Variants in QSER1 observed in about 807,000 individuals in gnomAD.
QSER1 encodes glutamine and serine rich 1, also known as glutamine and serine-rich protein 1.
QSER1 carries 49 observed loss-of-function variants against 158.5 expected under a neutral mutation model. That is an observed-to-expected ratio of 0.31 (90% CI 0.25 to 0.39). The LOEUF is 0.39. Among genes scored for constraint, QSER1 ranks in the 10% least tolerant of loss-of-function variants. The pLI, the probability that QSER1 is intolerant of heterozygous loss-of-function variation, is 1.00. For missense variants in QSER1, 1,754 were observed against 2,010.3 expected, an observed-to-expected ratio of 0.87 and a Z score of 2.44; for synonymous variants, 650 against 715.5, an observed-to-expected ratio of 0.91 and a Z score of 1.46.
chr11:32,964,561 TTAAAATACATACACCTACTA>T (rs1312026358), intron 8 of QSER1, among the ~76,000 whole-genome samples: 1 of 151,866 alleles, frequency 6.6e-6, no homozygotes, highest in Non-Finnish European at 1.5e-5. Flanking sequence ...CAGCTGCTAT[TTAAAATACATACACCTACTA>T]TAGGCCAGGC....
chr11:32,935,539 T>G, intron 4 of QSER1, 104 bp downstream of exon 4: 1 of 844,634 alleles, frequency 1.2e-6, no homozygotes, highest in Admixed American at 2.8e-5. Context: ...TGCAAGTACA[T>G]TTTCAGGACA....
intron 4 of QSER1, among the ~76,000 whole-genome samples, chr11:32,947,030 G>T (rs988740938): frequency 1.3e-5 from 2 of 152,360 alleles, no homozygotes; most frequent in South Asian, 4.1e-4. Context: ...GATTAGGAAA[G>T]GGAACTCCCT....
At chr11:32,942,774 G>T (rs1286539498) in intron 4 of QSER1, among the ~76,000 whole-genome samples, 37 of 151,898 alleles carry the variant, frequency 2.4e-4, no homozygotes, top group African/African-American at 6.7e-4. Context: ...GTGAAGAAAG[G>T]CATTGGTAGC....
At chr11:32,926,084 GTCT>G (rs1851966735) in intron 1 of QSER1, 1 of 152,162 alleles carries the variant, frequency 6.6e-6, no homozygotes, top group South Asian at 2.1e-4. Flanking sequence ...CAGAGACCCT[GTCT>G]TCTTAAGACA....
At chr11:32,894,429 C>A (rs1326942338) in intron 1 of QSER1, among the ~76,000 whole-genome samples, 3 of 152,222 alleles carry the variant, frequency 2.0e-5, no homozygotes, top group Admixed American at 2.0e-4. Flanking sequence ...CTAATGACTT[C>A]ATCCTCAGCT....
At chr11:32,967,788 T>G (rs941358393) in intron 9 of QSER1, among the ~76,000 whole-genome samples, 7 of 152,188 alleles carry the variant, frequency 4.6e-5, no homozygotes, top group Admixed American at 4.6e-4. Flanking sequence ...TCTGGTCTAG[T>G]GCTTTTCTTA....
At chr11:32,975,185 C>T (rs1852950707) in intron 11 of QSER1, 63 bp from the exon 12 acceptor site, 2 of 1,193,098 alleles carry the variant, frequency 1.7e-6, no homozygotes, top group South Asian at 1.7e-5. Flanking sequence ...TAGTATTTTC[C>T]TCAAAGTGTT....
chr11:32,951,904 C>T (rs923617844), intron 4 of QSER1, among the ~76,000 whole-genome samples: 3 of 144,612 alleles, frequency 2.1e-5, no homozygotes, highest in Non-Finnish European at 4.5e-5. Flanking sequence ...GTGGTGAGAT[C>T]GTGGCTCACT....
intron 1 of QSER1, among the ~76,000 whole-genome samples, chr11:32,903,226 C>A (rs1851647280): frequency 1.3e-5 from 2 of 151,958 alleles, no homozygotes; most frequent in Non-Finnish European, 2.9e-5. Flanking sequence ...TTATACCAGA[C>A]TGAATGGTTG....
rs1851502979 is a variant in QSER1 at position 32,893,065 on chromosome 11, C to G, written c.-61C>G. 7.0e-6 allele frequency: 1 copy of G among 142,104 alleles called. No homozygotes were observed. Among genetic ancestry groups the G allele is most frequent in the Admixed American group, 6.9e-5 (1 of 14,416 alleles). The allele number at this position is 142,104 out of a possible 1,614,324, so 8.8% of individuals were successfully genotyped here. Reference sequence around the variant, plus strand: ...CCCGCCCCCTCTCCCTGCCCGCCCCCGTCACACGGAGCCCTGGAGGATCCC... The same window carrying G: ...CCCGCCCCCTCTCCCTGCCCGCCCCGGTCACACGGAGCCCTGGAGGATCCC... On this transcript the variant is annotated 5_prime_UTR_variant, in exon 1 of 13. Transcript: ENST00000650167. The surrounding 1 kb of genome is among the most constrained non-coding windows in gnomAD (Gnocchi z 4.7).
chr11:32,920,718 T>G (rs1851889437), intron 1 of QSER1, among the ~76,000 whole-genome samples: 1 of 152,168 alleles, frequency 6.6e-6, no homozygotes, highest in African/African-American at 2.4e-5. Flanking sequence ...TAGACACTTG[T>G]CCAAAGAAGA....
intron 4 of QSER1, among the ~76,000 whole-genome samples, chr11:32,949,170 T>A (rs1402137053): frequency 6.6e-6 from 1 of 152,154 alleles, no homozygotes; most frequent in African/African-American, 2.4e-5. Flanking sequence ...TCTCATAGCT[T>A]CTCCTTGGGA....
In QSER1 at chr11:32,953,942, G is replaced by A; in HGVS notation, c.4263G>A (p.Lys1421=). The change falls in exon 5 of 13, where the codon AAG becomes AAA. Residue 1421 remains lysine, a synonymous_variant. Transcript: ENST00000650167. ...CCTCAACCACTGTGGGTGCAGTTAAGCAAGAACCTCTCCACTCTACTTCAT... is the reference window on the plus strand; with the variant it reads ...CCTCAACCACTGTGGGTGCAGTTAAACAAGAACCTCTCCACTCTACTTCAT... The part of the protein sequence containing the change: ...TTSSTTVGAV[K]QEPLHSTSYA... The A allele has an allele frequency of 6.2e-7, 1 of 1,614,164 alleles. No homozygotes were observed. The highest frequency in any genetic ancestry group is 8.5e-7 in the Non-Finnish European group (1 of 1,180,018).
rs147219998 is a variant in QSER1 at position 32,933,448 on chromosome 11, G to A, written c.2190G>A (p.Lys730=). The change falls in exon 4 of 13, where the codon AAG becomes AAA. Residue 730 remains lysine (K), a synonymous_variant. Transcript: ENST00000650167. ...NAQESTYKVS[K]ADDRYSQSVI... is the part of the protein sequence containing the mutation. ...AAGAATCAACTTATAAGGTGTCAAAGGCAGATGACAGATATTCTCAGAGTG... is the reference window on the plus strand; with the variant it reads ...AAGAATCAACTTATAAGGTGTCAAAAGCAGATGACAGATATTCTCAGAGTG... 1.2e-6 allele frequency: 2 copies of A among 1,613,234 alleles called. No homozygotes were observed. The highest frequency in any genetic ancestry group is 1.7e-5 in the Admixed American group (1 of 59,910).
At position 32,978,341 on chromosome 11, in the gene QSER1, T is replaced by A. The variant is rs1853012044; in HGVS notation, c.*1867T>A. 1 of 152,348 alleles carries A rather than the reference T, an allele frequency of 6.6e-6. No homozygotes were observed. The highest frequency in any genetic ancestry group is 2.4e-5 in the African/African-American group (1 of 41,574). The allele number at this position is 152,348 out of a possible 1,614,324, so 9.4% of individuals were successfully genotyped here. Reference sequence around the variant, plus strand: ...AGTGGAGAGGAGTAGGAAGCAGCCATATGATAGTATTGACTCTGGACAGAA... The same window carrying A: ...AGTGGAGAGGAGTAGGAAGCAGCCAAATGATAGTATTGACTCTGGACAGAA... On this transcript the variant is annotated 3_prime_UTR_variant, in exon 13 of 13. Coordinates refer to ENST00000650167, the MANE Select transcript of QSER1 (RefSeq NM_001076786.3).
At position 32,964,738 on chromosome 11, in the gene QSER1, A is replaced by ATATG. The variant is rs1554932109; in HGVS notation, c.4970-1560_4970-1559insTGTA. Among the ~76,000 whole-genome samples, 7 of 117,434 alleles carry ATATG rather than the reference A, an allele frequency of 6.0e-5. 1 individual carries two copies. Among genetic ancestry groups the ATATG allele is most frequent in the African/African-American group, 2.4e-4 (7 of 29,598 alleles). 77.0% of individuals were successfully genotyped at this position (117,434 alleles called of 152,430 possible). A position where few individuals can be genotyped will look rare whatever the true frequency, so the allele number is the denominator to read the frequency against. On this transcript the variant is annotated intron_variant, in intron 8 of 12. Transcript: ENST00000650167. Reference sequence around the variant, plus strand: ...ACACCATATATATATATATATATATATACACACACACACACACACACACAC... The same window carrying ATATG: ...ACACCATATATATATATATATATATATATGTACACACACACACACACACACACAC...
At chr11:32,943,516 G>A (rs1590172468) in intron 4 of QSER1, among the ~76,000 whole-genome samples, 1 of 150,388 alleles carries the variant, frequency 6.6e-6, no homozygotes, top group South Asian at 2.1e-4. Flanking sequence ...CTTTGGCTCT[G>A]TTTATATGCT....
intron 4 of QSER1, among the ~76,000 whole-genome samples, chr11:32,936,807 A>G (rs187539901): frequency 6.6e-5 from 10 of 152,308 alleles, no homozygotes; most frequent in Admixed American, 6.5e-5. Context: ...TTCTCTCTGG[A>G]CTTGACTACC....
intron 1 of QSER1, among the ~76,000 whole-genome samples, chr11:32,899,343 T>G (rs530204055): frequency 2.6e-5 from 4 of 152,132 alleles, no homozygotes; most frequent in Non-Finnish European, 5.9e-5. Context: ...GGGACCAAGA[T>G]GAAGGGTAAG....
Sources: gnomAD v4.1 joint callset for allele counts (sites outside exome capture counted in the v4.1 genomes callset) on GRCh38, gnomAD v4.1.1 for gene constraint, Gnocchi (gnomAD v3.1) non-coding constraint, MANE v1.5 for transcripts, NCBI Gene and HGNC (gene_info 2026-07-23, HGNC 2026-07-21) for gene names.